CAPRIN1: variants seen among roughly 807,000 people sequenced by gnomAD.
CAPRIN1 encodes the protein cell cycle associated protein 1.
Under a neutral mutation model 100.9 loss-of-function variants are expected in CAPRIN1, and 29 were observed. The ratio of observed to expected loss-of-function variants is 0.29; its 90% CI spans 0.21 to 0.39. The LOEUF (loss-of-function observed/expected upper bound fraction) is 0.39. Ranked by LOEUF, CAPRIN1 falls within the 10% of genes least tolerant of loss-of-function variation. CAPRIN1 has a pLI of 1.00. For synonymous variants in CAPRIN1, 338 were observed against 307.5 expected, an observed-to-expected ratio of 1.10 and a Z score of -1.04; for missense variants, 795 against 876.7, an observed-to-expected ratio of 0.91 and a Z score of 1.18.
At chr11:34,060,195 C>CAAAAAAAA (rs1175800677) in intron 2 of CAPRIN1, among the ~76,000 whole-genome samples, 1 of 40,476 alleles carries the variant, frequency 2.5e-5, no homozygotes, top group Admixed American at 2.7e-4. Context: ...TACTCCATCT[C>CAAAAAAAA]AAAAAAAAAA....
At chr11:34,054,328 T>G (rs1003358287) in intron 2 of CAPRIN1, among the ~76,000 whole-genome samples, 3 of 152,178 alleles carry the variant, frequency 2.0e-5, no homozygotes, top group African/African-American at 7.2e-5. Flanking sequence ...ATTTTAAGTG[T>G]AAGGTAGCTA....
intron 2 of CAPRIN1, among the ~76,000 whole-genome samples, chr11:34,065,920 A>C (rs1850681310): frequency 6.6e-6 from 1 of 152,248 alleles, no homozygotes; most frequent in Non-Finnish European, 1.5e-5. Flanking sequence ...GCCATGGAAG[A>C]ACATGTGTAA....
intron 2 of CAPRIN1, among the ~76,000 whole-genome samples, chr11:34,059,740 C>A (rs1052841401): frequency 1.3e-5 from 2 of 152,008 alleles, no homozygotes; most frequent in African/African-American, 4.8e-5. Context: ...ATGGATTAAT[C>A]CATGGGGTTA....
chr11:34,065,257 C>T (rs539888095), intron 2 of CAPRIN1, among the ~76,000 whole-genome samples: 25 of 152,246 alleles, frequency 1.6e-4, no homozygotes, highest in East Asian at 9.6e-4. Context: ...CCACTGCACC[C>T]GGCCCCGTAT....
At chr11:34,073,005 T>G (rs908128790) in intron 4 of CAPRIN1, among the ~76,000 whole-genome samples, 1 of 152,208 alleles carries the variant, frequency 6.6e-6, no homozygotes. Flanking sequence ...TGTAGTAGAT[T>G]GTACTATCTA....
intron 2 of CAPRIN1, among the ~76,000 whole-genome samples, chr11:34,069,926 GAAAA>G (rs1158769694): frequency 1.5e-4 from 19 of 128,444 alleles, no homozygotes; most frequent in Non-Finnish European, 2.9e-4. Flanking sequence ...AAAAAAAAAA[GAAAA>G]AACAAAACTT....
chr11:34,095,193 G>T (rs1014204501), intron 15 of CAPRIN1, among the ~76,000 whole-genome samples: 2 of 152,118 alleles, frequency 1.3e-5, no homozygotes, highest in African/African-American at 4.8e-5. Flanking sequence ...ACTACACCCA[G>T]CCTGGCTATG....
At chr11:34,085,821 A>G (rs1047220205) in intron 9 of CAPRIN1, among the ~76,000 whole-genome samples, 2 of 152,210 alleles carry the variant, frequency 1.3e-5, no homozygotes, top group Non-Finnish European at 2.9e-5. Context: ...AAAAAAATAA[A>G]TAAATAAGTA....
intron 9 of CAPRIN1, among the ~76,000 whole-genome samples, chr11:34,085,695 C>CT (rs1297485942): frequency 6.6e-6 from 1 of 151,936 alleles, no homozygotes; most frequent in Non-Finnish European, 1.5e-5. Flanking sequence ...TCCCAGCTAC[C>CT]TGAGAGGCTG....
chr11:34,098,276 A>C (rs1282172692), intron 18 of CAPRIN1: 1 of 984,480 alleles, frequency 1.0e-6, no homozygotes, highest in Non-Finnish European at 1.2e-6. Context: ...TTGGACCTCT[A>C]TTAGTGATAT....
intron 2 of CAPRIN1, among the ~76,000 whole-genome samples, chr11:34,056,127 A>G (rs187492538): frequency 6.6e-6 from 1 of 152,330 alleles, no homozygotes; most frequent in East Asian, 1.9e-4. Flanking sequence ...AAAGTGAGGT[A>G]CTATTTACAA....
chr11:34,093,815 TAGAG>T (rs1178415298), intron 15 of CAPRIN1, among the ~76,000 whole-genome samples: 6 of 150,990 alleles, frequency 4.0e-5, no homozygotes, highest in Admixed American at 2.0e-4. Flanking sequence ...GTATTTTTAG[TAGAG>T]AGAGGGTTTC....
At chr11:34,075,922 A>G (rs753834955) in intron 4 of CAPRIN1, among the ~76,000 whole-genome samples, 1 of 152,238 alleles carries the variant, frequency 6.6e-6, no homozygotes, top group Non-Finnish European at 1.5e-5. Flanking sequence ...ATCGTATTTC[A>G]TATAAATCCA....
chr11:34,089,478 T>C (rs757479530), intron 12 of CAPRIN1, 22 bp downstream of exon 12: 2 of 1,474,438 alleles, frequency 1.4e-6, no homozygotes, highest in Non-Finnish European at 1.9e-6. Context: ...AAAACTATTT[T>C]CTTCAGGGCC....
At chr11:34,071,176 C>A (rs1850798281) in intron 2 of CAPRIN1, among the ~76,000 whole-genome samples, 1 of 152,216 alleles carries the variant, frequency 6.6e-6, no homozygotes, top group African/African-American at 2.4e-5. Context: ...AATACTCTTT[C>A]TTGATTAAGC....
Position 34,094,239 on chromosome 11 carries a change from A to G in CAPRIN1, c.1705+2183A>G, listed in dbSNP as rs968639678. Reference sequence around the variant, plus strand: ...CTGCAACCTCCGCCTCTTAGGTTCAATCGCTTGGGTTCAAGCGATTCTCCT... The same window carrying G: ...CTGCAACCTCCGCCTCTTAGGTTCAGTCGCTTGGGTTCAAGCGATTCTCCT... On this transcript the variant is annotated intron_variant, in intron 15 of 18. Coordinates refer to ENST00000341394, the MANE Select transcript of CAPRIN1 (RefSeq NM_005898.5). Among the ~76,000 whole-genome samples the G allele has an allele frequency of 1.8e-4, 27 of 152,090 alleles. 1 individual carries two copies. The highest frequency in any genetic ancestry group is 5.9e-4 in the East Asian group (3 of 5,108).
chr11:34,054,610 G>GT (rs946626085), intron 2 of CAPRIN1, among the ~76,000 whole-genome samples: 3 of 152,062 alleles, frequency 2.0e-5, no homozygotes, highest in African/African-American at 7.2e-5. Flanking sequence ...TGTATTTTTA[G>GT]TAGAGACAGG....
intron 2 of CAPRIN1, chr11:34,053,040 G>A (rs1174807886): frequency 2.9e-6 from 3 of 1,041,158 alleles, no homozygotes; most frequent in African/African-American, 1.7e-5. Flanking sequence ...TGCGCGGGGG[G>A]CTCCGGGTTC....
At chr11:34,078,344 C>T (rs559917077) in intron 6 of CAPRIN1, among the ~76,000 whole-genome samples, 1 of 152,178 alleles carries the variant, frequency 6.6e-6, no homozygotes, top group South Asian at 2.1e-4. Flanking sequence ...CGGGGAGTGG[C>T]CCTACTATGT....
Sources: gnomAD v4.1 joint callset for allele counts (sites outside exome capture counted in the v4.1 genomes callset) on GRCh38, gnomAD v4.1.1 for gene constraint, MANE v1.5 for transcripts, NCBI Gene and HGNC (gene_info 2026-07-23, HGNC 2026-07-21) for gene names.